POU4F1: variants seen among roughly 807,000 people sequenced by gnomAD.
POU4F1 encodes POU domain, class 4, transcription factor 1.
A neutral mutation model predicts 19.8 loss-of-function variants in POU4F1; 5 were observed. The observed-to-expected ratio is 0.25, with a 90% confidence interval of 0.13 to 0.53. The LOEUF (loss-of-function observed/expected upper bound fraction) is 0.53, where lower values mean the gene tolerates loss of function less well. Among genes scored for constraint, POU4F1 ranks in the 20% least tolerant of loss-of-function variants. The probability of loss-of-function intolerance (pLI) is 0.96; values close to 1 mark genes in which losing one functional copy is unlikely to be tolerated. For missense variants in POU4F1, 408 were observed against 511.6 expected, an observed-to-expected ratio of 0.80 and a Z score of 1.95; for synonymous variants, 266 against 247.7, an observed-to-expected ratio of 1.07 and a Z score of -0.69.
rs1874692770 is a variant in POU4F1, at chr13:78,601,414, C to T, written c.*1G>A. 1.2e-6 allele frequency: 2 copies of T among 1,613,582 alleles called. No homozygotes were observed. The highest frequency in any genetic ancestry group is 8.5e-7 in the Non-Finnish European group (1 of 1,180,034). On this transcript the variant is annotated 3_prime_UTR_variant, in exon 2 of 2. Transcript: ENST00000377208. ...GTCCCGCCCGACACCTCCCAGCCCCCTCAGTAAGTGGCAGAGAATTTCATC... is the reference window on the plus strand; with the variant it reads ...GTCCCGCCCGACACCTCCCAGCCCCTTCAGTAAGTGGCAGAGAATTTCATC...
chr13:78,601,191 C>A lies in POU4F1; in HGVS notation c.*224G>T. The A allele has an allele frequency of 1.7e-6, 1 of 592,732 alleles. No homozygotes were observed. The highest frequency in any genetic ancestry group is 2.0e-5 in the South Asian group (1 of 50,474). 36.7% of individuals were successfully genotyped at this position (592,732 alleles called of 1,614,324 possible). On this transcript the variant is annotated 3_prime_UTR_variant, in exon 2 of 2. Transcript: ENST00000377208. ...GAATGCTCCCCCCCTTCTCCCCTAC[C>A]CTATACTCCAATCCCCACACCCAGC...
chr13:78,602,922 T>C (rs1204484349), intron 1 of POU4F1, among the ~76,000 whole-genome samples: 1 of 152,178 alleles, frequency 6.6e-6, no homozygotes, highest in Non-Finnish European at 1.5e-5. Context: ...AGAGACTGCC[T>C]TTCTGAGGCG....
Position 78,601,514 on chromosome 13 carries a change from G to A in POU4F1, c.1161C>T (p.Ala387=), listed in dbSNP as rs1874695009. The change falls in exon 2 of 2, where the codon GCC becomes GCT. Residue 387 remains alanine (A), a synonymous_variant. Transcript: ENST00000377208. Reference sequence around the variant, plus strand: ...TTTTGAGGTCCAGTTTCTCGGCGATGGCGGCGATCTTCTCGGACGAGGGCC... The same window carrying A: ...TTTTGAGGTCCAGTTTCTCGGCGATAGCGGCGATCTTCTCGGACGAGGGCC... ...QPRPSSEKIA[A]IAEKLDLKKN... is the part of the protein sequence containing the mutation. The A allele has an allele frequency of 1.9e-6, 3 of 1,613,844 alleles. No homozygotes were observed. The highest frequency in any genetic ancestry group is 1.1e-5 in the South Asian group (1 of 91,090).
In POU4F1 at chr13:78,599,379, C is replaced by G. The variant is rs1874609679; in HGVS notation, c.*2036G>C. 1 of 152,598 alleles carries G rather than the reference C, an allele frequency of 6.6e-6. No homozygotes were observed. Among genetic ancestry groups the G allele is most frequent in the Admixed American group, 6.5e-5 (1 of 15,286 alleles). 9.5% of individuals were successfully genotyped at this position (152,598 alleles called of 1,614,324 possible). On this transcript the variant is annotated 3_prime_UTR_variant, in exon 2 of 2. Transcript: ENST00000377208. ...CAGGATGAACACTGGCAGTCTGTTACCACTGTGTGAATGTGTGCATTAAAT... is the reference window on the plus strand; with the variant it reads ...CAGGATGAACACTGGCAGTCTGTTAGCACTGTGTGAATGTGTGCATTAAAT...
At chr13:78,602,679 A>C in intron 1 of POU4F1, 128 bp from the exon 2 acceptor site, 5 of 931,928 alleles carry the variant, frequency 5.4e-6, no homozygotes, top group African/African-American at 1.8e-5. Flanking sequence ...AACCAAAATA[A>C]CAACGGGTTT....
In POU4F1 at chr13:78,603,199, C is replaced by A; in HGVS notation, c.123+5G>T. The stretch of plus-strand genomic sequence containing the variant: ...GGGCCGGGGCCGCGGGCGTGGGGCG[C>A]TTACCGGCGGCGTGGGCAGGCAGGC... On this transcript the variant is annotated splice_donor_5th_base_variant and intron_variant, in intron 1 of 1. Coordinates refer to ENST00000377208, the MANE Select transcript of POU4F1 (RefSeq NM_006237.4). 6.6e-7 allele frequency: 1 copy of A among 1,522,320 alleles called. No individual in the cohort carries two copies. Among genetic ancestry groups the A allele is most frequent in the Non-Finnish European group, 8.8e-7 (1 of 1,135,350 alleles). 94.3% of individuals were successfully genotyped at this position (1,522,320 alleles called of 1,614,324 possible). A position where few individuals can be genotyped will look rare whatever the true frequency, so the allele number is the denominator to read the frequency against.
Position 78,602,028 on chromosome 13 carries a change from T to A in POU4F1, c.647A>T (p.His216Leu). 1 of 727,362 alleles carries A rather than the reference T, an allele frequency of 1.4e-6. No homozygotes were observed. Among genetic ancestry groups the A allele is most frequent in the Non-Finnish European group, 1.7e-6 (1 of 601,798 alleles). The allele number at this position is 727,362 out of a possible 1,614,324, so 45.1% of individuals were successfully genotyped here. A position where few individuals can be genotyped will look rare whatever the true frequency, so the allele number is the denominator to read the frequency against. ...AAMNMPSGLP[H>L]PGLVAAAAHH... is the part of the protein sequence containing the mutation. ...CGCCGCCGCCGCCACCAGCCCGGGGTGCGGCAGCCCGGACGGCATGTTCAT... is the reference window on the plus strand; with the variant it reads ...CGCCGCCGCCGCCACCAGCCCGGGGAGCGGCAGCCCGGACGGCATGTTCAT... Residue 216 changes from histidine (H) to leucine (L), a missense_variant, in exon 2 of 2, where the codon CAC becomes CTC. Coordinates refer to ENST00000377208, the MANE Select transcript of POU4F1 (RefSeq NM_006237.4).
chr13:78,601,581 G>C lies in POU4F1; in HGVS notation c.1094C>G (p.Pro365Arg). The change falls in exon 2 of 2, where the codon CCC becomes CGC. Residue 365 changes from proline (P) to arginine (R), a missense_variant. This residue lies in a region of POU4F1 where 35 missense variants were observed against 85.9 expected (regional missense o/e 0.41). Coordinates refer to ENST00000377208, the MANE Select transcript of POU4F1 (RefSeq NM_006237.4). ...GTAGGCCTCGAGGGAGCGCTTCTCG[G>C]GCGCGGCGATGGAAGTCCGCTTGCG... ...KKRKRTSIAA[P>R]EKRSLEAYFA... 6.2e-7 allele frequency: 1 copy of C among 1,613,904 alleles called. No homozygotes were observed. The highest frequency in any genetic ancestry group is 8.5e-7 in the Non-Finnish European group (1 of 1,180,028).
In POU4F1 at chr13:78,603,397, C is replaced by T. The variant is rs1874792810; in HGVS notation, c.-71G>A. 5 of 1,511,424 alleles carry T rather than the reference C, an allele frequency of 3.3e-6. 1 individual carries two copies. Among genetic ancestry groups the T allele is most frequent in the Middle Eastern group, 3.5e-4 (2 of 5,680 alleles). 93.6% of individuals were successfully genotyped at this position (1,511,424 alleles called of 1,614,324 possible). A position where few individuals can be genotyped will look rare whatever the true frequency, so the allele number is the denominator to read the frequency against. ...GGGAAAGTGCGTACGCCGGCTCACCCGGCCTCCCTTCGGAGGCTGCAGCCG... is the reference window on the plus strand; with the variant it reads ...GGGAAAGTGCGTACGCCGGCTCACCTGGCCTCCCTTCGGAGGCTGCAGCCG... On this transcript the variant is annotated 5_prime_UTR_variant, in exon 1 of 2. Transcript: ENST00000377208.
intron 1 of POU4F1, 37 bp downstream of exon 1, chr13:78,603,167 G>C: frequency 7.5e-7 from 1 of 1,326,426 alleles, no homozygotes; most frequent in Non-Finnish European, 9.7e-7. Flanking sequence ...GGGAGGGGCG[G>C]GCGCGCGGGC....
rs748005898 is a variant in POU4F1 at position 78,601,706 on chromosome 13, G to C, written c.969C>G (p.Ile323Met). 1.2e-6 allele frequency: 2 copies of C among 1,613,936 alleles called. No homozygotes were observed. Among genetic ancestry groups the C allele is most frequent in the Non-Finnish European group, 1.7e-6 (2 of 1,179,944 alleles). The change falls in exon 2 of 2, where the codon ATC becomes ATG. Residue 323 changes from isoleucine (I) to methionine (M), a missense_variant. By Grantham distance (10) the Ile-to-Met change is conservative (BLOSUM62 1). Transcript: ENST00000377208. ...ESLTLSHNNM[I>M]ALKPILQAWL... ...ACGCCTGCAGGATGGGCTTGAGCGC[G>C]ATCATGTTGTTGTGCGAGAGCGTGA...
At position 78,603,352 on chromosome 13, in the gene POU4F1, C is replaced by A; in HGVS notation, c.-26G>T. 3.8e-6 allele frequency: 6 copies of A among 1,561,630 alleles called. No homozygotes were observed. Among genetic ancestry groups the A allele is most frequent in the Non-Finnish European group, 5.2e-6 (6 of 1,155,040 alleles). On this transcript the variant is annotated 5_prime_UTR_variant, in exon 1 of 2. Transcript: ENST00000377208. ...CGTGGCGGCTTGGCATGTATATCCA[C>A]AAACACTCCGAAAGTCCGCGGGAAA...
In POU4F1 at chr13:78,599,052, C is replaced by G. The variant is rs1265705611; in HGVS notation, c.*2363G>C. 6.6e-6 allele frequency: 1 copy of G among 152,022 alleles called. No individual in the cohort carries two copies. Among genetic ancestry groups the G allele is most frequent in the Non-Finnish European group, 1.5e-5 (1 of 67,962 alleles). The allele number at this position is 152,022 out of a possible 1,614,324, so 9.4% of individuals were successfully genotyped here. A position where few individuals can be genotyped will look rare whatever the true frequency, so the allele number is the denominator to read the frequency against. ...TCTCAATCTCTCCCCTTTTTGTCCC[C>G]CTTCAACACCCTACCCTCCCCCCAT... On this transcript the variant is annotated 3_prime_UTR_variant, in exon 2 of 2. Coordinates refer to ENST00000377208, the MANE Select transcript of POU4F1 (RefSeq NM_006237.4).
chr13:78,602,230 CCCCCGG>C lies in POU4F1; in HGVS notation c.439_444del (p.Pro147_Gly148del), dbSNP rs1371918499. 1.0e-6 allele frequency: 1 copy of C among 953,716 alleles called. No individual in the cohort carries two copies. The highest frequency in any genetic ancestry group is 1.8e-5 in the African/African-American group (1 of 55,726). The allele number at this position is 953,716 out of a possible 1,614,324, so 59.1% of individuals were successfully genotyped here. On this transcript the variant is annotated inframe_deletion, in exon 2 of 2. Coordinates refer to ENST00000377208, the MANE Select transcript of POU4F1 (RefSeq NM_006237.4). ...CCGCCGCCGCCCGGGCCGCCACCGC[CCCCCGG>C]GCCGTCGTGGGCGCCGCCGCCGCCG...
Position 78,601,190 on chromosome 13 carries a change from C to A in POU4F1, c.*225G>T, listed in dbSNP as rs1474043382. 2 of 442,254 alleles carry A rather than the reference C, an allele frequency of 4.5e-6. No individual in the cohort carries two copies. The highest frequency in any genetic ancestry group is 7.9e-6 in the Non-Finnish European group (2 of 253,710). 27.4% of individuals were successfully genotyped at this position (442,254 alleles called of 1,614,324 possible). ...CGAATGCTCCCCCCCTTCTCCCCTACCCTATACTCCAATCCCCACACCCAG... is the reference window on the plus strand; with the variant it reads ...CGAATGCTCCCCCCCTTCTCCCCTAACCTATACTCCAATCCCCACACCCAG... On this transcript the variant is annotated 3_prime_UTR_variant, in exon 2 of 2. Coordinates refer to ENST00000377208, the MANE Select transcript of POU4F1 (RefSeq NM_006237.4).
rs931572953 is a variant in POU4F1, at chr13:78,603,529, C to G, written c.-203G>C. 58 of 759,604 alleles carry G rather than the reference C, an allele frequency of 7.6e-5. No homozygotes were observed. Among genetic ancestry groups the G allele is most frequent in the Non-Finnish European group, 9.7e-5 (57 of 587,000 alleles). 47.1% of individuals were successfully genotyped at this position (759,604 alleles called of 1,614,324 possible). A position where few individuals can be genotyped will look rare whatever the true frequency, so the allele number is the denominator to read the frequency against. ...CGCAGAGCGCCGCGCGCCGGCCTCG[C>G]GGTCCCGCTTCTCCGACAGCTCTAG... On this transcript the variant is annotated 5_prime_UTR_variant, in exon 1 of 2. Coordinates refer to ENST00000377208, the MANE Select transcript of POU4F1 (RefSeq NM_006237.4).
In POU4F1 at chr13:78,602,545, T is replaced by C; in HGVS notation, c.130A>G (p.Ser44Gly). 1.3e-6 allele frequency: 2 copies of C among 1,533,098 alleles called. No individual in the cohort carries two copies. The highest frequency in any genetic ancestry group is 1.7e-6 in the Non-Finnish European group (2 of 1,145,538). 95.0% of individuals were successfully genotyped at this position (1,533,098 alleles called of 1,614,324 possible). ...RACLPTPPLQ[S>G]NLFASLDETL... is the part of the protein sequence containing the mutation. ...TCGTCCAGGCTGGCGAAGAGGTTGC[T>C]CTGCAGCTGCAGGCGACACAAACCA... is the stretch of plus-strand genomic sequence containing the variant. Residue 44 changes from serine to glycine, a missense_variant, in exon 2 of 2, where the codon AGC (serine) becomes GGC (glycine). Transcript: ENST00000377208.
chr13:78,602,173 C>T lies in POU4F1; in HGVS notation c.502G>A (p.Gly168Ser). The change falls in exon 2 of 2, where the codon GGT (glycine) becomes AGT (serine). Residue 168 changes from glycine to serine, a missense_variant. By Grantham distance (56) the Gly-to-Ser change is moderately conservative. Around this residue, in one of 4 missense-constraint regions of POU4F1, gnomAD observed 294 missense variants for 288.2 expected, o/e 1.02. Transcript: ENST00000377208. ...CCGCCGCCGCCCCCCGGGCCGCCACCGCCGCCTCCCCCGGGGCCGCCGCCC... is the reference window on the plus strand; with the variant it reads ...CCGCCGCCGCCCCCCGGGCCGCCACTGCCGCCTCCCCCGGGGCCGCCGCCC... ...GPGGGPGGGGGGGPGGGGGGP... is the reference protein window; with the variant it reads ...GPGGGPGGGGSGGPGGGGGGP... 8.7e-6 allele frequency: 1 copy of T among 114,628 alleles called. No homozygotes were observed. The highest frequency in any genetic ancestry group is 2.8e-4 in the South Asian group (1 of 3,618). 7.1% of individuals were successfully genotyped at this position (114,628 alleles called of 1,614,324 possible).
Position 78,599,173 on chromosome 13 carries a change from G to C in POU4F1, c.*2242C>G, listed in dbSNP as rs1222629588. ...AAAAACGCACCCAAATCATAAAACT[G>C]CTCTTCTTTCAGTTATGTTTTATTT... On this transcript the variant is annotated 3_prime_UTR_variant, in exon 2 of 2. Transcript: ENST00000377208. 1 of 152,476 alleles carries C rather than the reference G, an allele frequency of 6.6e-6. No homozygotes were observed. The highest frequency in any genetic ancestry group is 1.5e-5 in the Non-Finnish European group (1 of 68,016). 9.4% of individuals were successfully genotyped at this position (152,476 alleles called of 1,614,324 possible). A position where few individuals can be genotyped will look rare whatever the true frequency, so the allele number is the denominator to read the frequency against.
Sources: allele counts gnomAD v4.1 joint callset (sites outside exome capture counted in the v4.1 genomes callset), GRCh38; gene constraint gnomAD v4.1.1; regional missense constraint gnomAD v4.1.1; transcripts MANE v1.5; gene names NCBI Gene and HGNC (gene_info 2026-07-23, HGNC 2026-07-21).